Variants in WDR7 observed in about 807,000 individuals in gnomAD.
The protein encoded by WDR7 is WD repeat domain 7, also known as WD repeat-containing protein 7.
WDR7 carries 46 observed loss-of-function variants against 169.4 expected under a neutral mutation model. The ratio of observed to expected loss-of-function variants is 0.27; its 90% confidence interval spans 0.21 to 0.35. The LOEUF (loss-of-function observed/expected upper bound fraction) is 0.35. Ranked by LOEUF, WDR7 falls within the 10% of genes least tolerant of loss-of-function variation. The probability of loss-of-function intolerance (pLI) is 1.00; values close to 1 mark genes in which losing one functional copy is unlikely to be tolerated. For synonymous variants in WDR7, 612 were observed against 666.8 expected, an observed-to-expected ratio of 0.92 and a Z score of 1.27; for missense variants, 1,534 against 1,859.3, an observed-to-expected ratio of 0.83 and a Z score of 3.22.
chr18:56,826,802 G>A (rs536910630), intron 20 of WDR7, among the ~76,000 whole-genome samples: 1 of 152,254 alleles, frequency 6.6e-6, no homozygotes, highest in East Asian at 1.9e-4. Context: ...TATTTTTTCA[G>A]TGTGGTTAGT....
intron 20 of WDR7, among the ~76,000 whole-genome samples, chr18:56,842,150 A>T (rs527412966): frequency 1.5e-3 from 235 of 152,278 alleles, no homozygotes; most frequent in African/African-American, 5.4e-3. Flanking sequence ...AACCTATCTT[A>T]GTCCCTTTTG....
At chr18:57,025,528 C>T (rs2048355466) in intron 27 of WDR7, among the ~76,000 whole-genome samples, 2 of 152,286 alleles carry the variant, frequency 1.3e-5, no homozygotes, top group Middle Eastern at 3.4e-3. Flanking sequence ...GAAACAGGAA[C>T]CGAACTTTAA....
chr18:57,000,592 A>G (rs1657410), intron 26 of WDR7, among the ~76,000 whole-genome samples: 96,825 of 152,018 alleles, frequency 0.64, 31,532 homozygotes, highest in Middle Eastern at 0.73. Context: ...CTCAAACAGC[A>G]CTATTTAACT....
chr18:56,652,779 A>G (rs1204686116), intron 1 of WDR7, among the ~76,000 whole-genome samples: 5 of 152,180 alleles, frequency 3.3e-5, no homozygotes, highest in Non-Finnish European at 1.5e-5. Context: ...AAATGAGAGT[A>G]TGCCCTTTAT....
At chr18:56,674,412 C>T (rs992169383) in intron 2 of WDR7, among the ~76,000 whole-genome samples, 1 of 152,044 alleles carries the variant, frequency 6.6e-6, no homozygotes, top group East Asian at 1.9e-4. Context: ...TTCATGTTCT[C>T]ATTGGCCGTT....
chr18:56,789,424 A>C (rs1426761224), intron 19 of WDR7, among the ~76,000 whole-genome samples: 1 of 152,028 alleles, frequency 6.6e-6, no homozygotes. Context: ...CTACCAGGGA[A>C]CTCCTCCGCA....
At chr18:56,711,724 T>A (rs902565421) in intron 12 of WDR7, among the ~76,000 whole-genome samples, 9 of 152,128 alleles carry the variant, frequency 5.9e-5, no homozygotes, top group Admixed American at 2.0e-4. Flanking sequence ...GAAGTTTGGA[T>A]TTTTAAAGCT....
chr18:56,755,540 T>C (rs1361804521), intron 14 of WDR7, among the ~76,000 whole-genome samples: 1 of 152,188 alleles, frequency 6.6e-6, no homozygotes, highest in African/African-American at 2.4e-5. Flanking sequence ...GATTTCCAGC[T>C]GATGAATCAG....
At chr18:56,788,083 A>G (rs564726120) in intron 19 of WDR7, among the ~76,000 whole-genome samples, 2 of 152,286 alleles carry the variant, frequency 1.3e-5, no homozygotes, top group African/African-American at 2.4e-5. Context: ...ATGGTTTTCT[A>G]GATGACTAAG....
intron 19 of WDR7, among the ~76,000 whole-genome samples, chr18:56,787,833 T>C (rs2044425793): frequency 6.6e-6 from 1 of 152,182 alleles, no homozygotes; most frequent in South Asian, 2.1e-4. Flanking sequence ...CAGAGGGAGT[T>C]GAAAAGGATA....
chr18:56,698,166 A>G (rs1598970095), intron 12 of WDR7, among the ~76,000 whole-genome samples: 2 of 151,070 alleles, frequency 1.3e-5, no homozygotes, highest in Non-Finnish European at 3.0e-5. Flanking sequence ...TTGCACTCCA[A>G]CCTGGGCAAC....
chr18:56,652,321 G>A (rs1299550225), intron 1 of WDR7, among the ~76,000 whole-genome samples: 1 of 152,204 alleles, frequency 6.6e-6, no homozygotes, highest in Non-Finnish European at 1.5e-5. Context: ...GTCAGTGGCA[G>A]CTATAGCTTC....
At chr18:56,922,302 A>G (rs1413347657) in intron 21 of WDR7, among the ~76,000 whole-genome samples, 2 of 152,248 alleles carry the variant, frequency 1.3e-5, no homozygotes, top group Middle Eastern at 3.4e-3. Flanking sequence ...ATGCAAAGTT[A>G]TGTGAAACAC....
At chr18:56,898,335 A>C (rs945886903) in intron 21 of WDR7, among the ~76,000 whole-genome samples, 47 of 152,188 alleles carry the variant, frequency 3.1e-4, no homozygotes, top group African/African-American at 1.0e-3. Context: ...AATCAGGGAA[A>C]TCTTTATTAG....
chr18:56,977,204 A>G (rs1397382287), intron 26 of WDR7, among the ~76,000 whole-genome samples: 1 of 152,262 alleles, frequency 6.6e-6, no homozygotes, highest in African/African-American at 2.4e-5. Context: ...TCATCTTTAA[A>G]GGGCAGTCCA....
intron 22 of WDR7, among the ~76,000 whole-genome samples, chr18:56,927,118 C>T (rs1050550084): frequency 6.6e-6 from 1 of 152,138 alleles, no homozygotes; most frequent in African/African-American, 2.4e-5. Flanking sequence ...GCAGTGTTTC[C>T]TACTTTCTTC....
chr18:56,735,063 T>G (rs1050992381), intron 14 of WDR7, among the ~76,000 whole-genome samples: 1 of 152,150 alleles, frequency 6.6e-6, no homozygotes, highest in African/African-American at 2.4e-5. Context: ...TTTGATTGCT[T>G]AAGAAATATT....
At chr18:56,885,343 G>A (rs926698998) in intron 21 of WDR7, among the ~76,000 whole-genome samples, 5 of 151,978 alleles carry the variant, frequency 3.3e-5, no homozygotes, top group Non-Finnish European at 5.9e-5. Flanking sequence ...AATCAAGGAG[G>A]CACCAGAGAA....
intron 26 of WDR7, among the ~76,000 whole-genome samples, chr18:56,999,457 T>C (rs1027760213): frequency 7.9e-5 from 12 of 152,146 alleles, no homozygotes; most frequent in Non-Finnish European, 1.2e-4. Context: ...TCCATAGAAC[T>C]CTTTTAAACC....
Sources: gnomAD v4.1 joint callset for allele counts (sites outside exome capture counted in the v4.1 genomes callset) on GRCh38, gnomAD v4.1.1 for gene constraint, MANE v1.5 for transcripts, NCBI Gene and HGNC (gene_info 2026-07-23, HGNC 2026-07-21) for gene names.